The following CDK17 variants were observed in gnomAD, a reference collection of about 807,000 sequenced individuals.
CDK17 encodes the protein cyclin dependent kinase 17, also known as cyclin-dependent kinase 17.
Under a neutral mutation model 77.6 loss-of-function variants are expected in CDK17, and 24 were observed. The observed-to-expected ratio is 0.31, with a 90% CI of 0.22 to 0.44. The LOEUF is 0.44. Ranked by LOEUF, CDK17 falls within the 20% of genes least tolerant of loss-of-function variation. CDK17 has a pLI of 1.00. For missense variants in CDK17, 429 were observed against 622.5 expected, an observed-to-expected ratio of 0.69 and a Z score of 3.31; for synonymous variants, 203 against 210.4, an observed-to-expected ratio of 0.96 and a Z score of 0.30.
At chr12:96,343,233 A>G (rs917832246) in intron 1 of CDK17, among the ~76,000 whole-genome samples, 8 of 152,216 alleles carry the variant, frequency 5.3e-5, no homozygotes, top group African/African-American at 1.7e-4. Context: ...CAAGTATGGA[A>G]CCTAATTAGA....
intron 6 of CDK17, among the ~76,000 whole-genome samples, chr12:96,299,501 C>T (rs1565809160): frequency 6.6e-6 from 1 of 150,654 alleles, no homozygotes; most frequent in Non-Finnish European, 1.5e-5. Flanking sequence ...AGCGATTCTC[C>T]TGACTCAGCC....
intron 10 of CDK17, among the ~76,000 whole-genome samples, chr12:96,294,611 A>AAAAAAAAAAAAT (rs71097274): frequency 0.015 from 1,862 of 121,196 alleles, 129 homozygotes; most frequent in Non-Finnish European, 0.02. Flanking sequence ...AAAAAAAAAA[A>AAAAAAAAAAAAT]GATATATTTT....
intron 3 of CDK17, among the ~76,000 whole-genome samples, chr12:96,315,493 AT>A (rs1464306091): frequency 6.6e-6 from 1 of 152,184 alleles, no homozygotes; most frequent in Non-Finnish European, 1.5e-5. Context: ...TGTATTGGTG[AT>A]TGATTCCTAA....
At chr12:96,370,758 T>C (rs1487614764) in intron 1 of CDK17, among the ~76,000 whole-genome samples, 2 of 152,208 alleles carry the variant, frequency 1.3e-5, no homozygotes, top group Non-Finnish European at 2.9e-5. Context: ...TAAAGAGACT[T>C]GCAAATATGT....
intron 1 of CDK17, among the ~76,000 whole-genome samples, chr12:96,343,063 T>C (rs1278306042): frequency 1.3e-5 from 2 of 152,210 alleles, no homozygotes; most frequent in African/African-American, 4.8e-5. Flanking sequence ...AAAAGAAATG[T>C]ACCAAAGATT....
Position 96,324,081 on chromosome 12 carries a change from C to T in CDK17, c.150G>A (p.Thr50=), listed in dbSNP as rs556452478. The T allele has an allele frequency of 1.6e-5, 25 of 1,607,590 alleles. No individual in the cohort carries two copies. In the East Asian group the frequency reaches 3.8e-4, roughly 24 times the overall value. ...GGAGGAAGGAATGCATACTGTGAGA[C>T]GTTGGAGGCCTGCCATTCTTCACAA... ...EPIVKNGRPP[T]SHSMHSFLHQ... is the part of the protein sequence containing the mutation. The change falls in exon 3 of 17, where the codon ACG becomes ACA. Residue 50 remains threonine, a synonymous_variant. Coordinates refer to ENST00000261211, the MANE Select transcript of CDK17 (RefSeq NM_002595.5).
At chr12:96,375,647 T>A (rs1018872611) in intron 1 of CDK17, among the ~76,000 whole-genome samples, 1 of 151,462 alleles carries the variant, frequency 6.6e-6, no homozygotes, top group Non-Finnish European at 1.5e-5. Flanking sequence ...TGGGTTCAAG[T>A]GATTCTCCTG....
chr12:96,303,343 T>C (rs182970593), intron 5 of CDK17: 7 of 152,262 alleles, frequency 4.6e-5, no homozygotes, highest in East Asian at 1.9e-4. Flanking sequence ...AATAGCACAA[T>C]AAGCTTTATA....
chr12:96,348,643 C>T lies in CDK17; in HGVS notation c.-29-13778G>A, dbSNP rs115105477. 6.1e-3 allele frequency among the ~76,000 whole-genome samples: 922 copies of T among 151,122 alleles called. 12 individuals are homozygous for T. The highest frequency in any genetic ancestry group is 0.022 in the African/African-American group (888 of 41,222). ...CTAAAATCAGAAAGTGGAAACATCA[C>T]TACCAATTATACAGAAATAAAACGG... is the stretch of plus-strand genomic sequence containing the variant. On this transcript the variant is annotated intron_variant, in intron 1 of 16. Transcript: ENST00000261211.
chr12:96,353,700 C>A (rs1277504768), intron 1 of CDK17, among the ~76,000 whole-genome samples: 1 of 151,838 alleles, frequency 6.6e-6, no homozygotes, highest in Non-Finnish European at 1.5e-5. Flanking sequence ...ACAAATCACA[C>A]TGTGAGATTT....
chr12:96,334,156 T>C (rs1019386489), intron 2 of CDK17, among the ~76,000 whole-genome samples: 4 of 152,212 alleles, frequency 2.6e-5, no homozygotes, highest in Non-Finnish European at 5.9e-5. Context: ...GTTACTACTA[T>C]GACATCCCTA....
chr12:96,386,269 TAC>T (rs1029481345), intron 1 of CDK17, among the ~76,000 whole-genome samples: 1 of 152,194 alleles, frequency 6.6e-6, no homozygotes, highest in African/African-American at 2.4e-5. Flanking sequence ...GTGCTGGGAT[TAC>T]AGACGTGAGC....
intron 1 of CDK17, among the ~76,000 whole-genome samples, chr12:96,355,717 A>G (rs984601727): frequency 1.3e-5 from 2 of 152,024 alleles, no homozygotes; most frequent in Admixed American, 6.6e-5. Flanking sequence ...ATATTGGTCT[A>G]TTGTCGATTC....
intron 10 of CDK17, among the ~76,000 whole-genome samples, chr12:96,292,640 T>A (rs1033047984): frequency 3.0e-4 from 46 of 152,004 alleles, no homozygotes; most frequent in Admixed American, 2.9e-3. Flanking sequence ...TAATCATTTA[T>A]GAAAAAAAAT....
At chr12:96,338,452 C>T (rs1340595279) in intron 1 of CDK17, among the ~76,000 whole-genome samples, 1 of 152,194 alleles carries the variant, frequency 6.6e-6, no homozygotes, top group African/African-American at 2.4e-5. Context: ...CCAACGCACA[C>T]TCCAAGAAAT....
At chr12:96,343,869 C>T (rs748337077) in intron 1 of CDK17, among the ~76,000 whole-genome samples, 4 of 151,984 alleles carry the variant, frequency 2.6e-5, no homozygotes, top group South Asian at 4.1e-4. Context: ...TTGACAGAAA[C>T]CTGAAGCAGC....
intron 12 of CDK17, among the ~76,000 whole-genome samples, 179 bp from the exon 13 acceptor site, chr12:96,286,327 G>A (rs1297036931): frequency 6.6e-6 from 1 of 151,626 alleles, no homozygotes; most frequent in East Asian, 1.9e-4. Flanking sequence ...TTTTTGTTTG[G>A]ACTTTGCAAT....
chr12:96,279,549 T>C lies in CDK17; in HGVS notation c.*693A>G, dbSNP rs1273787387. 6.6e-6 allele frequency: 1 copy of C among 152,184 alleles called. No homozygotes were observed. Among genetic ancestry groups the C allele is most frequent in the Non-Finnish European group, 1.5e-5 (1 of 68,022 alleles). The allele number at this position is 152,184 out of a possible 1,614,324, so 9.4% of individuals were successfully genotyped here. A position where few individuals can be genotyped will look rare whatever the true frequency, so the allele number is the denominator to read the frequency against. On this transcript the variant is annotated 3_prime_UTR_variant, in exon 17 of 17. Coordinates refer to ENST00000261211, the MANE Select transcript of CDK17 (RefSeq NM_002595.5). ...AGGAACACATAAAAAATAAATAATT[T>C]TGGAGCTTTAATTTGTTGGTGTCTA... is the stretch of plus-strand genomic sequence containing the variant.
intron 2 of CDK17, among the ~76,000 whole-genome samples, chr12:96,332,269 G>A (rs188999948): frequency 1.4e-4 from 21 of 152,200 alleles, no homozygotes; most frequent in Admixed American, 8.5e-4. Flanking sequence ...GCCTAATAAC[G>A]TATCTCTCAG....
Sources: gnomAD v4.1 joint callset for allele counts (sites outside exome capture counted in the v4.1 genomes callset) on GRCh38, gnomAD v4.1.1 for gene constraint, MANE v1.5 for transcripts, NCBI Gene and HGNC (gene_info 2026-07-23, HGNC 2026-07-21) for gene names.